MYRIP: variants seen among roughly 807,000 people sequenced by gnomAD.
The protein encoded by MYRIP is rab effector MyRIP.
A neutral mutation model predicts 98.0 loss-of-function variants in MYRIP; 49 were observed. The observed-to-expected ratio is 0.50, with a 90% confidence interval of 0.40 to 0.63. MYRIP has a LOEUF of 0.63. Ranked by LOEUF, MYRIP falls within the 30% of genes least tolerant of loss-of-function variation. The pLI, the probability that MYRIP is intolerant of heterozygous loss-of-function variation, is 0.00. For synonymous variants in MYRIP, 404 were observed against 409.5 expected (o/e 0.99, Z 0.16); for missense variants, 1,004 against 1,058.2 (o/e 0.95, Z 0.71).
In MYRIP at chr3:40,041,005, AG is replaced by A. The variant is rs1947508674; in HGVS notation, c.111-3044del. ...ATAAAAAAAAAAAAGAAAAAAAAAAAGAAAATATTACCAGCAGAAAAAAAAA... is the reference window on the plus strand; with the variant it reads ...ATAAAAAAAAAAAAGAAAAAAAAAAAAAAATATTACCAGCAGAAAAAAAAA... On this transcript the variant is annotated intron_variant, in intron 2 of 16. Coordinates refer to ENST00000302541, the MANE Select transcript of MYRIP (RefSeq NM_015460.4). Among the ~76,000 whole-genome samples, 48 of 124,602 alleles carry A rather than the reference AG, an allele frequency of 3.9e-4. No homozygotes were observed. The South Asian group carries it at 5.3e-3, about 14-fold the overall frequency. The allele number at this position is 124,602 out of a possible 152,430, so 81.7% of individuals were successfully genotyped here.
At chr3:40,198,770 T>C (rs1951469657) in intron 10 of MYRIP, among the ~76,000 whole-genome samples, 1 of 152,206 alleles carries the variant, frequency 6.6e-6, no homozygotes, top group African/African-American at 2.4e-5. Context: ...TAGGTTCTAA[T>C]TATTCTTTAA....
intron 2 of MYRIP, among the ~76,000 whole-genome samples, chr3:40,018,290 C>T (rs752938432): frequency 1.3e-5 from 2 of 152,202 alleles, no homozygotes; most frequent in African/African-American, 4.8e-5. Flanking sequence ...AATTGACTCA[C>T]AGTTTCAGCT....
intron 1 of MYRIP, among the ~76,000 whole-genome samples, chr3:39,876,040 A>G (rs1375411989): frequency 1.3e-5 from 2 of 152,050 alleles, no homozygotes. Context: ...TTGGGTGCAT[A>G]TATATTTAGG....
chr3:40,181,892 C>T (rs910801852), intron 8 of MYRIP, among the ~76,000 whole-genome samples: 1 of 152,140 alleles, frequency 6.6e-6, no homozygotes, highest in African/African-American at 2.4e-5. Context: ...TTCCACTTTG[C>T]ATGCCCGAGA....
chr3:40,170,216 G>A (rs893593124), intron 8 of MYRIP, 123 bp downstream of exon 8: 34 of 1,262,290 alleles, frequency 2.7e-5, no homozygotes, highest in Admixed American at 2.3e-4. Flanking sequence ...GATGGGGAGC[G>A]AAATTGAAAG....
At chr3:40,000,719 A>T (rs1314486709) in intron 2 of MYRIP, among the ~76,000 whole-genome samples, 1 of 152,102 alleles carries the variant, frequency 6.6e-6, no homozygotes, top group Non-Finnish European at 1.5e-5. Flanking sequence ...AACTGATGAG[A>T]CTGACATAAA....
chr3:40,144,188 G>C (rs1949966884), intron 3 of MYRIP, among the ~76,000 whole-genome samples: 2 of 152,224 alleles, frequency 1.3e-5, no homozygotes, highest in African/African-American at 4.8e-5. Context: ...GGCTTGAGTA[G>C]ATACAGGTGT....
At chr3:40,212,225 T>TAC (rs766775104) in intron 11 of MYRIP, among the ~76,000 whole-genome samples, 2 of 76,914 alleles carry the variant, frequency 2.6e-5, no homozygotes, top group African/African-American at 7.5e-5. Context: ...TATATATATA[T>TAC]ACACACACAC....
chr3:39,951,216 C>T (rs79754719), intron 2 of MYRIP, among the ~76,000 whole-genome samples: 1 of 152,040 alleles, frequency 6.6e-6, no homozygotes, highest in Non-Finnish European at 1.5e-5. Flanking sequence ...ACTCAAACCC[C>T]CCTGGCTTTA....
intron 1 of MYRIP, among the ~76,000 whole-genome samples, chr3:39,894,488 T>A (rs1420376397): frequency 6.6e-6 from 1 of 152,232 alleles, no homozygotes; most frequent in African/African-American, 2.4e-5. Context: ...TGGGTGAATA[T>A]ACCATAGTTT....
chr3:40,097,033 T>C (rs1293417506), intron 3 of MYRIP, among the ~76,000 whole-genome samples: 1 of 152,168 alleles, frequency 6.6e-6, no homozygotes, highest in Non-Finnish European at 1.5e-5. Flanking sequence ...CATGGAGGCT[T>C]TTGACTTCTT....
At chr3:39,841,480 C>G (rs1941799085) in intron 1 of MYRIP, among the ~76,000 whole-genome samples, 1 of 152,060 alleles carries the variant, frequency 6.6e-6, no homozygotes, top group Admixed American at 6.6e-5. Context: ...ATTCTCCATC[C>G]AGTTTTGTTC....
chr3:40,220,939 A>G (rs533327144), intron 11 of MYRIP, among the ~76,000 whole-genome samples: 1 of 151,772 alleles, frequency 6.6e-6, no homozygotes, highest in Non-Finnish European at 1.5e-5. Context: ...CCCACCTCCA[A>G]TATTGGGGAT....
In MYRIP at chr3:40,187,465, G is replaced by T. The variant is rs1013678508; in HGVS notation, c.1028-2361G>T. Among the ~76,000 whole-genome samples the T allele has an allele frequency of 2.6e-5, 4 of 152,166 alleles. No homozygotes were observed. The East Asian group carries it at 5.8e-4, about 22-fold the overall frequency. ...AGGAATTAATTTCCTCCCTGAGCAG[G>T]CATGTGTAACACACTCACAAGCATC... On this transcript the variant is annotated intron_variant, in intron 9 of 16. Coordinates refer to ENST00000302541, the MANE Select transcript of MYRIP (RefSeq NM_015460.4).
At chr3:39,811,309 A>G (rs1342088684) in intron 1 of MYRIP, among the ~76,000 whole-genome samples, 1 of 152,182 alleles carries the variant, frequency 6.6e-6, no homozygotes, top group Non-Finnish European at 1.5e-5. Context: ...CCGCCTTTCA[A>G]TCTTCCCAAG....
At chr3:40,208,716 C>CA (rs1220885007) in intron 10 of MYRIP, among the ~76,000 whole-genome samples, 1 of 152,220 alleles carries the variant, frequency 6.6e-6, no homozygotes, top group African/African-American at 2.4e-5. Flanking sequence ...AATCTCAACT[C>CA]AGAGTCCCTT....
At chr3:40,038,869 C>T (rs961111829) in intron 2 of MYRIP, among the ~76,000 whole-genome samples, 1 of 151,966 alleles carries the variant, frequency 6.6e-6, no homozygotes, top group Non-Finnish European at 1.5e-5. Flanking sequence ...CCATTTTTTA[C>T]CAGTTAGGTC....
chr3:39,883,026 T>A (rs1382937585), intron 1 of MYRIP, among the ~76,000 whole-genome samples: 1 of 151,722 alleles, frequency 6.6e-6, no homozygotes, highest in African/African-American at 2.4e-5. Flanking sequence ...TACTGAAGAG[T>A]CATTGGGCCA....
intron 1 of MYRIP, among the ~76,000 whole-genome samples, chr3:39,890,483 G>A (rs1479904828): frequency 6.6e-6 from 1 of 151,734 alleles, no homozygotes; most frequent in African/African-American, 2.4e-5. Context: ...TTCTCCTGTT[G>A]TTTTACTTTT....
Sources: gnomAD v4.1 joint callset for allele counts (sites outside exome capture counted in the v4.1 genomes callset) on GRCh38, gnomAD v4.1.1 for gene constraint, MANE v1.5 for transcripts, NCBI Gene and HGNC (gene_info 2026-07-23, HGNC 2026-07-21) for gene names.